GNA12: variants seen among roughly 807,000 people sequenced by gnomAD.
The protein encoded by GNA12 is G protein subunit alpha 12.
A neutral mutation model predicts 26.0 loss-of-function variants in GNA12; 9 were observed. That is an observed-to-expected ratio of 0.35 (90% CI 0.21 to 0.60). The LOEUF (loss-of-function observed/expected upper bound fraction) is 0.60. Among genes scored for constraint, GNA12 ranks in the 20% least tolerant of loss-of-function variants. The pLI, the probability that GNA12 is intolerant of heterozygous loss-of-function variation, is 0.78. For missense variants in GNA12, 405 were observed against 525.8 expected (o/e 0.77, Z 2.25); for synonymous variants, 264 against 219.6 (o/e 1.20, Z -1.79).
intron 1 of GNA12, among the ~76,000 whole-genome samples, chr7:2,829,922 G>A (rs910815377): frequency 6.6e-6 from 1 of 152,212 alleles, no homozygotes; most frequent in Non-Finnish European, 1.5e-5. Context: ...AAAGGGAGAT[G>A]ATGAGAGCTG....
chr7:2,768,980 G>C lies in GNA12; in HGVS notation c.525+25948C>G, dbSNP rs528097179. On this transcript the variant is annotated intron_variant, in intron 2 of 3. Transcript: ENST00000275364. ...TCGCTCCGTTGTCCGGGCTGATCTC[G>C]GCTCCCTCCACCTCCTGGGTTCAAG... 2.6e-5 allele frequency among the ~76,000 whole-genome samples: 4 copies of C among 152,150 alleles called. No individual in the cohort carries two copies. In the East Asian group the frequency reaches 5.8e-4, roughly 22 times the overall value.
At chr7:2,819,574 C>T (rs905128632) in intron 1 of GNA12, among the ~76,000 whole-genome samples, 1 of 152,070 alleles carries the variant, frequency 6.6e-6, no homozygotes, top group African/African-American at 2.4e-5. Context: ...CCCTAGTCTG[C>T]ATAAAAGACA....
rs903421545 is a variant in GNA12, at chr7:2,730,654, T to G, written c.*527A>C. On this transcript the variant is annotated 3_prime_UTR_variant, in exon 4 of 4. Coordinates refer to ENST00000275364, the MANE Select transcript of GNA12 (RefSeq NM_007353.3). ...GGCCTTCAGACACTGCGGCTGGGGC[T>G]GCAGGGCCGGGCTCAGGCACTGAGT... 5 of 153,178 alleles carry G rather than the reference T, an allele frequency of 3.3e-5. No homozygotes were observed. The highest frequency in any genetic ancestry group is 4.8e-5 in the African/African-American group (2 of 41,448). The allele number at this position is 153,178 out of a possible 1,614,324, so 9.5% of individuals were successfully genotyped here. A position where few individuals can be genotyped will look rare whatever the true frequency, so the allele number is the denominator to read the frequency against.
chr7:2,782,942 G>A (rs1792267093), intron 2 of GNA12, among the ~76,000 whole-genome samples: 1 of 152,118 alleles, frequency 6.6e-6, no homozygotes, highest in African/African-American at 2.4e-5. Context: ...AGTTTTAAAT[G>A]TTCAATTCTA....
At chr7:2,829,761 C>T (rs1222234824) in intron 1 of GNA12, among the ~76,000 whole-genome samples, 1 of 152,170 alleles carries the variant, frequency 6.6e-6, no homozygotes, top group East Asian at 1.9e-4. Flanking sequence ...CCATGTTGTC[C>T]CTTTCCAGCA....
intron 2 of GNA12, among the ~76,000 whole-genome samples, chr7:2,771,406 G>A (rs1233252172): frequency 2.0e-5 from 3 of 152,144 alleles, no homozygotes; most frequent in Non-Finnish European, 4.4e-5. Flanking sequence ...CCAAGATCAT[G>A]AGCAAACACC....
At chr7:2,768,045 G>A (rs754035863) in intron 2 of GNA12, among the ~76,000 whole-genome samples, 1 of 152,102 alleles carries the variant, frequency 6.6e-6, no homozygotes, top group Non-Finnish European at 1.5e-5. Context: ...AGTAGAGACA[G>A]GGTTTCACCA....
At chr7:2,764,654 G>A (rs979356418) in intron 2 of GNA12, 1 of 152,214 alleles carries the variant, frequency 6.6e-6, no homozygotes, top group South Asian at 2.1e-4. Flanking sequence ...GGCTGCCCTC[G>A]AGGTGGGGTT....
At chr7:2,733,770 C>T (rs73285331) in intron 2 of GNA12, among the ~76,000 whole-genome samples, 37 of 152,240 alleles carry the variant, frequency 2.4e-4, no homozygotes, top group African/African-American at 7.2e-4. Context: ...GTGTGTGGTG[C>T]GATGCAGGCC....
At chr7:2,734,146 T>C (rs896006335) in intron 2 of GNA12, among the ~76,000 whole-genome samples, 4 of 152,096 alleles carry the variant, frequency 2.6e-5, no homozygotes, top group African/African-American at 7.2e-5. Flanking sequence ...TGTTCCATAG[T>C]GCGAAGGGCC....
intron 2 of GNA12, among the ~76,000 whole-genome samples, chr7:2,784,718 A>T (rs1326267398): frequency 6.6e-6 from 1 of 152,002 alleles, no homozygotes; most frequent in Non-Finnish European, 1.5e-5. Flanking sequence ...TCTCCTGGGG[A>T]TGCATCCCTT....
intron 2 of GNA12, chr7:2,763,324 C>G (rs1791663860): frequency 6.0e-6 from 1 of 166,800 alleles, no homozygotes; most frequent in Non-Finnish European, 1.3e-5. Context: ...GCTGACGGCA[C>G]AAATGCCGGT....
At chr7:2,769,543 A>C (rs566693657) in intron 2 of GNA12, among the ~76,000 whole-genome samples, 1 of 152,168 alleles carries the variant, frequency 6.6e-6, no homozygotes, top group East Asian at 2.0e-4. Context: ...ATCCTGGCCA[A>C]CACGGTGAAA....
chr7:2,758,892 C>T (rs938846015), intron 2 of GNA12, among the ~76,000 whole-genome samples: 26 of 152,234 alleles, frequency 1.7e-4, no homozygotes, highest in Admixed American at 3.9e-4. Flanking sequence ...TGCCTATAAT[C>T]CCAGCGCTCT....
chr7:2,770,156 A>G (rs1029848702), intron 2 of GNA12, among the ~76,000 whole-genome samples: 8 of 152,182 alleles, frequency 5.3e-5, no homozygotes, highest in African/African-American at 1.9e-4. Context: ...CAAACCTACA[A>G]TGTATGACTT....
At chr7:2,796,311 CA>C (rs1241529139) in intron 1 of GNA12, among the ~76,000 whole-genome samples, 6 of 152,102 alleles carry the variant, frequency 3.9e-5, no homozygotes, top group African/African-American at 1.4e-4. Context: ...TAAAATACAA[CA>C]ATTATAACAA....
At chr7:2,841,826 C>T (rs540142929) in intron 1 of GNA12, among the ~76,000 whole-genome samples, 1 of 152,240 alleles carries the variant, frequency 6.6e-6, no homozygotes, top group Non-Finnish European at 1.5e-5. Context: ...TTCTACGGGG[C>T]TTTGCTAAAT....
Position 2,820,895 on chromosome 7 carries a change from T to C in GNA12, c.309+22958A>G, listed in dbSNP as rs372963936. Among the ~76,000 whole-genome samples the C allele has an allele frequency of 1.3e-3, 199 of 152,350 alleles. 5 individuals carry two copies. In the South Asian group the frequency reaches 0.041, roughly 31 times the overall value. ...CTGGGATTACAGGCATGCACCACCA[T>C]GGCCAGCTAATTTCTAAAAATTTCT... On this transcript the variant is annotated intron_variant, in intron 1 of 3. Transcript: ENST00000275364.
At chr7:2,762,690 T>C (rs1302643903) in intron 2 of GNA12, 2 of 1,581,132 alleles carry the variant, frequency 1.3e-6, no homozygotes, top group Non-Finnish European at 1.7e-6. Context: ...GAAACCACGC[T>C]GCCCGGGTGG....
Sources: allele counts gnomAD v4.1 joint callset (sites outside exome capture counted in the v4.1 genomes callset), GRCh38; gene constraint gnomAD v4.1.1; transcripts MANE v1.5; gene names NCBI Gene and HGNC (gene_info 2026-07-23, HGNC 2026-07-21).